The following PDZRN3 variants were observed in gnomAD, a reference collection of about 807,000 sequenced individuals.
The protein encoded by PDZRN3 is E3 ubiquitin-protein ligase PDZRN3.
PDZRN3 carries 38 observed loss-of-function variants against 85.7 expected under a neutral mutation model. The observed-to-expected ratio is 0.44, with a 90% CI of 0.34 to 0.58. The LOEUF is 0.58. PDZRN3 is among the 20% of genes least tolerant of loss of function. PDZRN3 has a pLI of 0.01. For missense variants in PDZRN3, 1,629 were observed against 1,506.4 expected (o/e 1.08, Z -1.35); for synonymous variants, 759 against 638.0 (o/e 1.19, Z -2.86).
intron 3 of PDZRN3, among the ~76,000 whole-genome samples, chr3:73,543,084 A>G (rs113008114): frequency 0.014 from 2,127 of 152,352 alleles, 60 homozygotes; most frequent in African/African-American, 0.048. Flanking sequence ...TTAAGAAGGT[A>G]AAGATGACAT....
At position 73,456,184 on chromosome 3, in the gene PDZRN3, A is replaced by ATG. The variant is rs10608893; in HGVS notation, c.919-51791_919-51790dup. On this transcript the variant is annotated intron_variant, in intron 3 of 9. Coordinates refer to ENST00000263666, the MANE Select transcript of PDZRN3 (RefSeq NM_015009.3). Reference sequence around the variant, plus strand: ...GTCTTAGGTACTGAAGAGAAGAAAAATGTGTGTGTGTGTGTGTGTGTGTGT... The same window carrying ATG: ...GTCTTAGGTACTGAAGAGAAGAAAAATGTGTGTGTGTGTGTGTGTGTGTGTGT... Among the ~76,000 whole-genome samples, 1,421 of 150,736 alleles carry ATG rather than the reference A, an allele frequency of 9.4e-3. 13 individuals carry two copies. The highest frequency in any genetic ancestry group is 0.027 in the African/African-American group (1,123 of 41,226).
At chr3:73,442,591 T>C (rs540854574) in intron 3 of PDZRN3, among the ~76,000 whole-genome samples, 1 of 152,232 alleles carries the variant, frequency 6.6e-6, no homozygotes, top group East Asian at 1.9e-4. Flanking sequence ...GTTAAAAGAA[T>C]TAGGTGAGAG....
chr3:73,602,470 TA>T lies in PDZRN3; in HGVS notation c.811-10del, dbSNP rs11343439. On this transcript the variant is annotated splice_polypyrimidine_tract_variant and intron_variant, in intron 2 of 9. Transcript: ENST00000263666. The stretch of plus-strand genomic sequence containing the variant: ...GATCCATCGTGGTTATCCTTTGGGT[TA>T]AAAAAAAAAACATGCATGAATGCTA... 0.81 allele frequency: 834,692 copies of T among 1,033,448 alleles called. 327,208 individuals carry two copies. Among genetic ancestry groups the T allele is most frequent in the African/African-American group, 0.91 (55,952 of 61,264 alleles). 64.0% of individuals were successfully genotyped at this position (1,033,448 alleles called of 1,614,324 possible).
At chr3:73,562,767 T>C (rs1354214961) in intron 3 of PDZRN3, among the ~76,000 whole-genome samples, 1 of 151,846 alleles carries the variant, frequency 6.6e-6, no homozygotes, top group Non-Finnish European at 1.5e-5. Context: ...TTTGCTTTTC[T>C]TCCTCTTTTT....
At chr3:73,486,820 T>C (rs1018031281) in intron 3 of PDZRN3, among the ~76,000 whole-genome samples, 5 of 152,198 alleles carry the variant, frequency 3.3e-5, no homozygotes, top group Non-Finnish European at 7.3e-5. Flanking sequence ...ATCGGACATA[T>C]CAAAGGTCAG....
At chr3:73,607,108 C>A (rs1310487434) in intron 2 of PDZRN3, among the ~76,000 whole-genome samples, 1 of 152,170 alleles carries the variant, frequency 6.6e-6, no homozygotes. Flanking sequence ...GAGCGCCAAT[C>A]CCCACCCCTG....
At chr3:73,506,783 G>A (rs1704076009) in intron 3 of PDZRN3, among the ~76,000 whole-genome samples, 1 of 151,996 alleles carries the variant, frequency 6.6e-6, no homozygotes, top group Non-Finnish European at 1.5e-5. Context: ...GCTCATGCCT[G>A]TAACCCCAGT....
chr3:73,574,457 T>TGGGGGGGGG (rs72092693), intron 3 of PDZRN3, among the ~76,000 whole-genome samples: 8 of 120,806 alleles, frequency 6.6e-5, no homozygotes, highest in South Asian at 2.9e-4. Flanking sequence ...TTGGCTGGGG[T>TGGGGGGGGG]GGGGGGGGTG....
chr3:73,548,876 C>G (rs1701489559), intron 3 of PDZRN3, among the ~76,000 whole-genome samples: 1 of 152,124 alleles, frequency 6.6e-6, no homozygotes, highest in Non-Finnish European at 1.5e-5. Context: ...GGAAAACAGA[C>G]AAGTGTTACA....
At chr3:73,555,618 C>T (rs933774999) in intron 3 of PDZRN3, among the ~76,000 whole-genome samples, 13 of 152,240 alleles carry the variant, frequency 8.5e-5, no homozygotes, top group Non-Finnish European at 1.9e-4. Context: ...TCTCAATCAA[C>T]GGCATGTGTA....
At chr3:73,439,535 T>C (rs1702593117) in intron 3 of PDZRN3, among the ~76,000 whole-genome samples, 1 of 152,112 alleles carries the variant, frequency 6.6e-6, no homozygotes, top group Admixed American at 6.5e-5. Context: ...ATTTAGTGAG[T>C]GGCCACTGGT....
intron 3 of PDZRN3, among the ~76,000 whole-genome samples, chr3:73,534,780 G>A (rs977204708): frequency 2.6e-5 from 4 of 152,120 alleles, no homozygotes; most frequent in Admixed American, 6.6e-5. Context: ...ATACCTTTAC[G>A]GAACTGAGGC....
chr3:73,553,140 T>C (rs9851584), intron 3 of PDZRN3, among the ~76,000 whole-genome samples: 8,843 of 152,278 alleles, frequency 0.058, 789 homozygotes, highest in African/African-American at 0.19. Flanking sequence ...TAAGCGGACA[T>C]GTCTTAACTT....
rs112265429 is a variant in PDZRN3 at position 73,449,245 on chromosome 3, T to A, written c.919-44850A>T. On this transcript the variant is annotated intron_variant, in intron 3 of 9. Coordinates refer to ENST00000263666, the MANE Select transcript of PDZRN3 (RefSeq NM_015009.3). ...CCATGTCATCTTCTAATTAACTAAC[T>A]GATCCTTTAAACTGTCAAACTCGGC... 1.7e-3 allele frequency among the ~76,000 whole-genome samples: 254 copies of A among 152,252 alleles called. 1 individual carries two copies. Among genetic ancestry groups the A allele is most frequent in the Non-Finnish European group, 2.4e-3 (164 of 68,006 alleles).
At chr3:73,422,967 C>T in intron 3 of PDZRN3, among the ~76,000 whole-genome samples, 1 of 152,070 alleles carries the variant, frequency 6.6e-6, no homozygotes, top group East Asian at 1.9e-4. Context: ...AGGAATTAGT[C>T]CAGATAGGAA....
At chr3:73,564,471 T>C (rs1701902518) in intron 3 of PDZRN3, among the ~76,000 whole-genome samples, 1 of 152,144 alleles carries the variant, frequency 6.6e-6, no homozygotes, top group South Asian at 2.1e-4. Flanking sequence ...TGTAGCCAAC[T>C]TCTCCTTTCA....
At chr3:73,464,387 G>A (rs571603119) in intron 3 of PDZRN3, among the ~76,000 whole-genome samples, 26 of 152,168 alleles carry the variant, frequency 1.7e-4, no homozygotes, top group African/African-American at 6.0e-4. Context: ...GTTATTATTG[G>A]TATAGAAAGT....
intron 3 of PDZRN3, among the ~76,000 whole-genome samples, chr3:73,441,951 A>G (rs1702645500): frequency 6.6e-6 from 1 of 152,228 alleles, no homozygotes; most frequent in Admixed American, 6.5e-5. Context: ...TGGCCTGATC[A>G]CAAAGTCCCT....
At chr3:73,510,621 G>A (rs1704147110) in intron 3 of PDZRN3, among the ~76,000 whole-genome samples, 1 of 152,172 alleles carries the variant, frequency 6.6e-6, no homozygotes, top group African/African-American at 2.4e-5. Context: ...TTTGGAGCTT[G>A]GAGTCAAGGA....
Sources: gnomAD v4.1 joint callset for allele counts (sites outside exome capture counted in the v4.1 genomes callset) on GRCh38, gnomAD v4.1.1 for gene constraint, MANE v1.5 for transcripts, NCBI Gene and HGNC (gene_info 2026-07-23, HGNC 2026-07-21) for gene names.